Variants in SAMSN1 observed in about 807,000 individuals in gnomAD.
SAMSN1 encodes the protein SAM domain-containing protein SAMSN-1.
SAMSN1 carries 31 observed loss-of-function variants against 42.0 expected under a neutral mutation model. The observed-to-expected ratio is 0.74, with a 90% CI of 0.55 to 1.00. SAMSN1 has a LOEUF of 1.00. Ranked by LOEUF, SAMSN1 falls within the 50% of genes least tolerant of loss-of-function variation. The pLI is 0.00. For synonymous variants in SAMSN1, 178 were observed against 151.9 expected, an observed-to-expected ratio of 1.17 and a Z score of -1.26; for missense variants, 464 against 439.4, an observed-to-expected ratio of 1.06 and a Z score of -0.50.
At chr21:14,577,282 A>ATTTTTTT (rs1226237508) in intron 2 of SAMSN1, among the ~76,000 whole-genome samples, 5 of 50,510 alleles carry the variant, frequency 9.9e-5, no homozygotes, top group African/African-American at 4.3e-4. Flanking sequence ...ATATATATAT[A>ATTTTTTT]TATTTTTTTT....
intron 2 of SAMSN1, among the ~76,000 whole-genome samples, chr21:14,570,607 T>C (rs1981269197): frequency 6.6e-6 from 1 of 152,220 alleles, no homozygotes; most frequent in African/African-American, 2.4e-5. Context: ...GAGATGACTT[T>C]TGAAACTGAC....
At chr21:14,532,872 A>T (rs541901931) in intron 1 of SAMSN1, among the ~76,000 whole-genome samples, 200 of 152,006 alleles carry the variant, frequency 1.3e-3, no homozygotes, top group Non-Finnish European at 1.6e-3. Flanking sequence ...GTATTACAAA[A>T]TGTACATATT....
intron 2 of SAMSN1, among the ~76,000 whole-genome samples, chr21:14,551,906 CTA>C (rs1474754282): frequency 1.3e-5 from 2 of 152,058 alleles, no homozygotes; most frequent in Non-Finnish European, 2.9e-5. Context: ...AACCATCACT[CTA>C]TGTCATAAGT....
chr21:14,589,882 T>A (rs772639170), intron 7 of SAMSN1, among the ~76,000 whole-genome samples: 9 of 152,292 alleles, frequency 5.9e-5, no homozygotes, highest in Non-Finnish European at 1.3e-4. Context: ...AAATAACAAA[T>A]CCTAATAACC....
At chr21:14,629,777 C>A (rs1361835493) in intron 2 of SAMSN1, among the ~76,000 whole-genome samples, 1 of 152,140 alleles carries the variant, frequency 6.6e-6, no homozygotes, top group Non-Finnish European at 1.5e-5. Flanking sequence ...CCTAAAGCAA[C>A]AAACTCTTCT....
chr21:14,658,546 T>A (rs1983951398), intron 1 of SAMSN1, among the ~76,000 whole-genome samples: 1 of 151,978 alleles, frequency 6.6e-6, no homozygotes. Flanking sequence ...AGAACTCTTT[T>A]TAATACTTGT....
At chr21:14,651,232 A>G (rs952160101) in intron 1 of SAMSN1, among the ~76,000 whole-genome samples, 1 of 151,948 alleles carries the variant, frequency 6.6e-6, no homozygotes, top group Non-Finnish European at 1.5e-5. Flanking sequence ...TCAAAAAAAA[A>G]AGAAGACTAC....
At chr21:14,558,184 A>G (rs1337065849) in intron 2 of SAMSN1, among the ~76,000 whole-genome samples, 2 of 152,148 alleles carry the variant, frequency 1.3e-5, no homozygotes, top group Non-Finnish European at 2.9e-5. Context: ...TTGTTGAATA[A>G]ACGAATCGTC....
At chr21:14,605,810 T>G (rs964320190) in intron 5 of SAMSN1, among the ~76,000 whole-genome samples, 1 of 125,656 alleles carries the variant, frequency 8.0e-6, no homozygotes, top group Non-Finnish European at 1.8e-5. Context: ...TAAAGAAGAT[T>G]TATTTATTTA....
At chr21:14,574,494 A>G (rs183062462) in intron 2 of SAMSN1, among the ~76,000 whole-genome samples, 36 of 152,260 alleles carry the variant, frequency 2.4e-4, no homozygotes, top group African/African-American at 7.0e-4. Context: ...AAGAAGAGGG[A>G]TTCTTGGTTT....
chr21:14,629,157 G>A (rs1382001342), intron 2 of SAMSN1, among the ~76,000 whole-genome samples: 1 of 152,132 alleles, frequency 6.6e-6, no homozygotes, highest in Non-Finnish European at 1.5e-5. Flanking sequence ...GCAGAGAAAT[G>A]TAATACCACA....
chr21:14,583,354 T>C (rs1005353718), exon 1 of SAMSN1: 1 of 258,578 alleles, frequency 3.9e-6, no homozygotes, highest in Non-Finnish European at 7.3e-6. Flanking sequence ...TTCAAATACA[T>C]TGTTTTCTAT....
intron 6 of SAMSN1, among the ~76,000 whole-genome samples, chr21:14,499,995 G>A (rs1408838745): frequency 2.6e-5 from 4 of 152,106 alleles, no homozygotes; most frequent in Non-Finnish European, 5.9e-5. Flanking sequence ...AATATAACAA[G>A]AAAATCATAA....
At chr21:14,647,600 G>T (rs894019358) in intron 1 of SAMSN1, among the ~76,000 whole-genome samples, 10 of 137,902 alleles carry the variant, frequency 7.3e-5, no homozygotes, top group African/African-American at 2.6e-5. Flanking sequence ...TCACGATATT[G>T]ATTCTTCCTA....
intron 7 of SAMSN1, among the ~76,000 whole-genome samples, chr21:14,497,597 CTAA>C (rs1424249657): frequency 2.0e-5 from 3 of 152,166 alleles, no homozygotes; most frequent in Non-Finnish European, 4.4e-5. Flanking sequence ...ATCTCAAAAA[CTAA>C]TAATATTAAT....
upstream of SAMSN1, among the ~76,000 whole-genome samples, chr21:14,547,933 T>G (rs934376173): frequency 6.6e-6 from 1 of 152,094 alleles, no homozygotes. Context: ...TTGAGAATTA[T>G]TGAGTTAGTG....
intron 3 of SAMSN1, among the ~76,000 whole-genome samples, chr21:14,614,335 T>A (rs1023299060): frequency 1.6e-4 from 25 of 152,210 alleles, no homozygotes; most frequent in Non-Finnish European, 3.2e-4. Context: ...TATAGGTTGA[T>A]CCTTGTTTAA....
chr21:14,547,800 C>T (rs1032794797), upstream of SAMSN1, among the ~76,000 whole-genome samples: 1 of 152,026 alleles, frequency 6.6e-6, no homozygotes, highest in East Asian at 1.9e-4. Flanking sequence ...TATTTCAAAC[C>T]TCTTGACTAG....
intron 3 of SAMSN1, among the ~76,000 whole-genome samples, chr21:14,515,958 G>C (rs1987894766): frequency 6.6e-6 from 1 of 152,148 alleles, no homozygotes; most frequent in African/African-American, 2.4e-5. Context: ...ATCACAATGA[G>C]ATTCCACCTC....
Sources: gnomAD v4.1 joint callset for allele counts (sites outside exome capture counted in the v4.1 genomes callset) on GRCh38, gnomAD v4.1.1 for gene constraint, MANE v1.5 for transcripts, NCBI Gene and HGNC (gene_info 2026-07-23, HGNC 2026-07-21) for gene names.